KATNA1: variants seen among roughly 807,000 people sequenced by gnomAD.
KATNA1 encodes katanin p60 ATPase-containing subunit A1.
Under a neutral mutation model 62.6 loss-of-function variants are expected in KATNA1, and 42 were observed. That is an observed-to-expected ratio of 0.67 (90% CI 0.52 to 0.87). The LOEUF is 0.87. Among genes scored for constraint, KATNA1 ranks in the 40% least tolerant of loss-of-function variants. KATNA1 has a pLI of 0.00. For missense variants in KATNA1, 498 were observed against 612.5 expected, an observed-to-expected ratio of 0.81 and a Z score of 1.97; for synonymous variants, 186 against 201.9, an observed-to-expected ratio of 0.92 and a Z score of 0.67.
In KATNA1 at chr6:149,595,155, T is replaced by C; in HGVS notation, c.1357A>G (p.Met453Val). 6.2e-7 allele frequency: 1 copy of C among 1,614,088 alleles called. No homozygotes were observed. The highest frequency in any genetic ancestry group is 1.1e-5 in the South Asian group (1 of 91,084). Reference sequence around the variant, plus strand: ...TCCTCCATAGTTGTAGGCATGTGCATTTCTTCTTTGGAAAGATTTCGGATT... The same window carrying C: ...TCCTCCATAGTTGTAGGCATGTGCACTTCTTCTTTGGAAAGATTTCGGATT... ...EEIRNLSKEE[M>V]HMPTTMEDFE... The change falls in exon 11 of 11, where the codon ATG becomes GTG. Residue 453 changes from methionine (M) to valine (V), a missense_variant. Met to Val is a conservative substitution (Grantham distance 21). Around this residue, in one of 3 missense-constraint regions of KATNA1, gnomAD observed 267 missense variants for 372.6 expected, o/e 0.72. Coordinates refer to ENST00000367411, the MANE Select transcript of KATNA1 (RefSeq NM_007044.4).
At chr6:149,625,548 T>A (rs1208645042) in intron 3 of KATNA1, among the ~76,000 whole-genome samples, 1 of 152,110 alleles carries the variant, frequency 6.6e-6, no homozygotes, top group Non-Finnish European at 1.5e-5. Context: ...AAGAATCACT[T>A]GAACCCAGGA....
chr6:149,643,114 C>T (rs1466681335), intron 1 of KATNA1, among the ~76,000 whole-genome samples: 1 of 152,222 alleles, frequency 6.6e-6, no homozygotes, highest in African/African-American at 2.4e-5. Context: ...TGGGCAGAGG[C>T]TCATGTGGCA....
chr6:149,615,593 G>A (rs1383201725), intron 4 of KATNA1, among the ~76,000 whole-genome samples: 3 of 152,050 alleles, frequency 2.0e-5, no homozygotes, highest in Non-Finnish European at 4.4e-5. Context: ...GGCTTAAATG[G>A]ATTAAACCCT....
intron 7 of KATNA1, among the ~76,000 whole-genome samples, chr6:149,600,194 TAAA>T (rs67468519): frequency 4.3e-4 from 29 of 67,980 alleles, no homozygotes; most frequent in African/African-American, 1.1e-3. Context: ...GAGCTTATCT[TAAA>T]AAAAAAAAAA....
rs1406002550 is a variant in KATNA1 at position 149,598,364 on chromosome 6, C to T, written c.889-14G>A. On this transcript the variant is annotated splice_polypyrimidine_tract_variant and intron_variant, in intron 7 of 10. Coordinates refer to ENST00000367411, the MANE Select transcript of KATNA1 (RefSeq NM_007044.4). ...ATAAAATCGAGCCTAAAGGAAGAAA[C>T]CATGCAATATCAAGCTATTAAGCTA... The T allele has an allele frequency of 6.2e-7, 1 of 1,611,562 alleles. No individual in the cohort carries two copies. Among genetic ancestry groups the T allele is most frequent in the South Asian group, 1.1e-5 (1 of 90,914 alleles).
intron 4 of KATNA1, among the ~76,000 whole-genome samples, chr6:149,616,740 C>A (rs1779181915): frequency 6.6e-6 from 1 of 151,938 alleles, no homozygotes; most frequent in African/African-American, 2.4e-5. Flanking sequence ...GGAAACAGAG[C>A]AAGACTCTGT....
In KATNA1 at chr6:149,628,098, T is replaced by C. The variant is rs143696875; in HGVS notation, c.320+4661A>G. Among the ~76,000 whole-genome samples, 1,221 of 151,666 alleles carry C rather than the reference T, an allele frequency of 8.1e-3. 26 individuals are homozygous for C. Among genetic ancestry groups the C allele is most frequent in the African/African-American group, 0.027 (1,121 of 41,058 alleles). ...TATATAAGGCTTTAATGAACCTCCT[T>C]GTACTCACATTTTTTTTTTTTGAAA... On this transcript the variant is annotated intron_variant, in intron 3 of 10. Coordinates refer to ENST00000367411, the MANE Select transcript of KATNA1 (RefSeq NM_007044.4).
At chr6:149,644,749 T>A (rs1261503669) in intron 1 of KATNA1, among the ~76,000 whole-genome samples, 1 of 152,210 alleles carries the variant, frequency 6.6e-6, no homozygotes, top group Non-Finnish European at 1.5e-5. Context: ...CCTCCAAGCC[T>A]TCTTTAAAGG....
At chr6:149,597,017 A>G (rs745336778) in intron 10 of KATNA1, 46 bp downstream of exon 10, 21 of 1,597,266 alleles carry the variant, frequency 1.3e-5, no homozygotes, top group Admixed American at 1.8e-5. Flanking sequence ...ACTTCATACT[A>G]GAAGTTTATG....
Position 149,632,763 on chromosome 6 carries a change from G to C in KATNA1, c.316C>G (p.Arg106Gly). The C allele has an allele frequency of 6.2e-7, 1 of 1,600,118 alleles. No individual in the cohort carries two copies. The highest frequency in any genetic ancestry group is 8.5e-7 in the Non-Finnish European group (1 of 1,176,662). ...TCTTAAAAGGTTTCCACTTACCTTC[G>C]TTCAACAGGTACAGGCATGGACCAG... ...EVWSMPVPVE[R>G]RPSPGPRKRQ... Residue 106 changes from arginine to glycine, a missense_variant, in exon 3 of 11, where the codon CGA becomes GGA. Physicochemically the swap from Arg to Gly is moderately radical, Grantham distance 125. Transcript: ENST00000367411.
intron 4 of KATNA1, among the ~76,000 whole-genome samples, chr6:149,615,440 G>A (rs1265668018): frequency 6.6e-6 from 1 of 152,032 alleles, no homozygotes; most frequent in African/African-American, 2.4e-5. Context: ...CCTGAGCTCA[G>A]GCAATCTGCC....
At chr6:149,615,047 C>T (rs959400720) in intron 4 of KATNA1, among the ~76,000 whole-genome samples, 13 of 144,864 alleles carry the variant, frequency 9.0e-5, no homozygotes, top group Admixed American at 2.1e-4. Flanking sequence ...GCAAGAGAAT[C>T]GCTTGAACCT....
intron 4 of KATNA1, among the ~76,000 whole-genome samples, chr6:149,614,710 T>C (rs1034117620): frequency 6.6e-6 from 1 of 151,994 alleles, no homozygotes; most frequent in Non-Finnish European, 1.5e-5. Context: ...GAAACTTGAG[T>C]CTACAAGTAG....
At chr6:149,644,557 G>A (rs936481666) in intron 1 of KATNA1, among the ~76,000 whole-genome samples, 2 of 152,082 alleles carry the variant, frequency 1.3e-5, no homozygotes, top group Non-Finnish European at 2.9e-5. Context: ...GGAGGTCAAA[G>A]ATGCAATGAG....
intron 2 of KATNA1, among the ~76,000 whole-genome samples, chr6:149,636,726 T>C (rs9406286): frequency 0.45 from 68,574 of 151,238 alleles, 16,695 homozygotes; most frequent in East Asian, 0.81. Flanking sequence ...CTGCAACCTC[T>C]GCCTTCTGAT....
intron 1 of KATNA1, among the ~76,000 whole-genome samples, chr6:149,642,713 T>C (rs979610063): frequency 2.6e-5 from 4 of 152,174 alleles, no homozygotes; most frequent in Admixed American, 2.0e-4. Flanking sequence ...TTTTATAAAT[T>C]AAAAATACAT....
intron 2 of KATNA1, among the ~76,000 whole-genome samples, chr6:149,635,835 T>C (rs1780046132): frequency 6.6e-6 from 1 of 151,918 alleles, no homozygotes; most frequent in Non-Finnish European, 1.5e-5. Context: ...GGCAAGCAGA[T>C]CACCTGAGGT....
chr6:149,597,770 A>T, intron 8 of KATNA1, 129 bp from the exon 9 acceptor site: 1 of 807,630 alleles, frequency 1.2e-6, no homozygotes. Context: ...ATGCCTCCTT[A>T]AGACTTAGGT....
intron 5 of KATNA1, among the ~76,000 whole-genome samples, chr6:149,604,226 C>T (rs1350336509): frequency 6.6e-6 from 1 of 152,270 alleles, no homozygotes; most frequent in Admixed American, 6.5e-5. Context: ...AATCCTAGCA[C>T]TTTGGGAGGC....
Sources: allele counts gnomAD v4.1 joint callset (sites outside exome capture counted in the v4.1 genomes callset), GRCh38; gene constraint gnomAD v4.1.1; regional missense constraint gnomAD v4.1.1; transcripts MANE v1.5; gene names NCBI Gene and HGNC (gene_info 2026-07-23, HGNC 2026-07-21).